The following PCM1 variants were observed in gnomAD, a reference collection of about 807,000 sequenced individuals.
PCM1 encodes pericentriolar material 1 protein.
In PCM1, 157 loss-of-function variants were observed where a neutral mutation model predicts 241.9. That is an observed-to-expected ratio of 0.65 (90% CI 0.57 to 0.74). PCM1 has a LOEUF of 0.74. Among genes scored for constraint, PCM1 ranks in the 30% least tolerant of loss-of-function variants. PCM1 has a pLI of 0.00. For missense variants in PCM1, 3,478 were observed against 2,360.1 expected (o/e 1.47, Z -9.81); for synonymous variants, 1,085 against 784.9 (o/e 1.38, Z -6.39).
chr8:17,999,412 G>A (rs1358132164), intron 29 of PCM1, among the ~76,000 whole-genome samples: 1 of 152,190 alleles, frequency 6.6e-6, no homozygotes, highest in African/African-American at 2.4e-5. Flanking sequence ...TCCCTTTAAG[G>A]CAGTGGGTTT....
intron 6 of PCM1, among the ~76,000 whole-genome samples, chr8:17,946,049 C>T (rs1200631122): frequency 6.6e-6 from 1 of 152,070 alleles, no homozygotes; most frequent in Non-Finnish European, 1.5e-5. Context: ...TATATTGTTT[C>T]CAGGTTGTAT....
chr8:17,930,097 CTTCCTT>C (rs1360443678), intron 2 of PCM1, among the ~76,000 whole-genome samples: 1 of 140,266 alleles, frequency 7.1e-6, no homozygotes, highest in Non-Finnish European at 1.5e-5. Context: ...TATTGGAATA[CTTCCTT>C]TTTTTTTTTT....
chr8:18,025,402 A>C lies in PCM1; in HGVS notation c.5883A>C (p.Glu1961Asp). The C allele has an allele frequency of 6.2e-7, 1 of 1,605,254 alleles. No homozygotes were observed. The highest frequency in any genetic ancestry group is 8.5e-7 in the Non-Finnish European group (1 of 1,174,438). Residue 1961 changes from glutamate to aspartate, a missense_variant, in exon 37 of 39, where the codon GAA becomes GAC. Physicochemically the swap from Glu to Asp is conservative, Grantham distance 45. Coordinates refer to ENST00000325083, the MANE Select transcript of PCM1 (RefSeq NM_006197.4). Reference sequence around the variant, plus strand: ...ATATAAGTCAAAAGTCTGATGAAGAAGATTTTGTAAAAGTTGAAGATTTAC... The same window carrying C: ...ATATAAGTCAAAAGTCTGATGAAGACGATTTTGTAAAAGTTGAAGATTTAC... ...SGNISQKSDE[E>D]DFVKVEDLPL...
chr8:17,987,009 T>C (rs1234626222), intron 26 of PCM1, among the ~76,000 whole-genome samples: 2 of 151,834 alleles, frequency 1.3e-5, no homozygotes, highest in African/African-American at 2.4e-5. Flanking sequence ...GAATTTTTGC[T>C]CTTTAACTTC....
chr8:17,959,867 A>G, intron 13 of PCM1, 147 bp from the exon 14 acceptor site: 1 of 609,456 alleles, frequency 1.6e-6, no homozygotes, highest in Admixed American at 3.7e-5. Context: ...TATATATTGA[A>G]CACGTGTACA....
intron 22 of PCM1, among the ~76,000 whole-genome samples, chr8:17,970,426 C>T (rs955969830): frequency 2.4e-4 from 34 of 144,338 alleles, no homozygotes; most frequent in Admixed American, 2.2e-3. Context: ...GAGTCATTAA[C>T]TGGGATTTTT....
At position 17,938,826 on chromosome 8, in the gene PCM1, T is replaced by C. The variant is rs768168015; in HGVS notation, c.429T>C (p.Phe143=). ...QLSENRKPFN[F]LPMQINTNKS... is the part of the protein sequence containing the mutation. ...GTGAAAACCGAAAGCCCTTCAACTT[T>C]TTGCCTATGCAGATTAATACTAACA... The change falls in exon 5 of 39, where the codon TTT becomes TTC. Residue 143 remains phenylalanine (F), a synonymous_variant. Transcript: ENST00000325083. 7 of 1,613,624 alleles carry C rather than the reference T, an allele frequency of 4.3e-6. No individual in the cohort carries two copies. The highest frequency in any genetic ancestry group is 1.1e-5 in the South Asian group (1 of 91,082).
Position 17,972,384 on chromosome 8 carries a change from G to A in PCM1, c.3640G>A (p.Glu1214Lys), listed in dbSNP as rs1393869112. ...AAGCAGTAGGACACCATGGTTATATGAACAAGAAGGTGAAGTAGAGAAACC... is the reference window on the plus strand; with the variant it reads ...AAGCAGTAGGACACCATGGTTATATAAACAAGAAGGTGAAGTAGAGAAACC... ...VESSRTPWLY[E>K]QEGEVEKPFI... is the part of the protein sequence containing the mutation. Residue 1214 changes from glutamate (E) to lysine (K), a missense_variant, in exon 23 of 39, where the codon GAA (glutamate) becomes AAA (lysine). Coordinates refer to ENST00000325083, the MANE Select transcript of PCM1 (RefSeq NM_006197.4). 1 of 1,595,908 alleles carries A rather than the reference G, an allele frequency of 6.3e-7. No individual in the cohort carries two copies. The highest frequency in any genetic ancestry group is 2.2e-5 in the East Asian group (1 of 44,624).
chr8:17,924,960 A>G (rs750812539), intron 2 of PCM1, 180 bp downstream of exon 2: 26 of 152,194 alleles, frequency 1.7e-4, no homozygotes, highest in Non-Finnish European at 2.9e-4. Context: ...GCCTGCCGGT[A>G]TATCTTTGTT....
Position 17,957,678 on chromosome 8 carries a change from A to G in PCM1, c.1943A>G (p.Glu648Gly), listed in dbSNP as rs771433788. The part of the protein sequence containing the change: ...LSSHRSSLVD[E>G]HPEDAEFEQK... ...AGTCACAGGAGCAGTCTGGTTGATGAGCATCCAGAAGATGCTGAATTTGAA... is the reference window on the plus strand; with the variant it reads ...AGTCACAGGAGCAGTCTGGTTGATGGGCATCCAGAAGATGCTGAATTTGAA... The change falls in exon 13 of 39, where the codon GAG (glutamate) becomes GGG (glycine). Residue 648 changes from glutamate (E) to glycine (G), a missense_variant. Coordinates refer to ENST00000325083, the MANE Select transcript of PCM1 (RefSeq NM_006197.4). 3.7e-6 allele frequency: 6 copies of G among 1,610,480 alleles called. No homozygotes were observed. The South Asian group carries it at 6.6e-5, about 18-fold the overall frequency.
At position 17,991,815 on chromosome 8, in the gene PCM1, A is replaced by G. The variant is rs2084743355; in HGVS notation, c.4690+115A>G. 3 of 689,870 alleles carry G rather than the reference A, an allele frequency of 4.3e-6. No homozygotes were observed. The South Asian group carries it at 6.3e-5, about 15-fold the overall frequency. The allele number at this position is 689,870 out of a possible 1,614,324, so 42.7% of individuals were successfully genotyped here. ...GGTGCACCCATCGCCTGAGCAGTATACACTGTACCCAGTGTGTATTGTTTG... is the reference window on the plus strand; with the variant it reads ...GGTGCACCCATCGCCTGAGCAGTATGCACTGTACCCAGTGTGTATTGTTTG... On this transcript the variant is annotated intron_variant, in intron 28 of 38. Coordinates refer to ENST00000325083, the MANE Select transcript of PCM1 (RefSeq NM_006197.4).
At chr8:17,964,503 A>G in intron 17 of PCM1, 65 bp from the exon 18 acceptor site, 1 of 1,188,580 alleles carries the variant, frequency 8.4e-7, no homozygotes, top group South Asian at 1.5e-5. Flanking sequence ...TCTGGCACAT[A>G]GTAGGTGGCA....
rs1025907395 is a variant in PCM1, at chr8:18,028,053, A to G, written c.*391A>G. On this transcript the variant is annotated 3_prime_UTR_variant, in exon 39 of 39. Transcript: ENST00000325083. ...ACTTTAGGCTGCTCAGAGAAGAGCA[A>G]TGGTTAAGAGTTAGTTAGAGAAATA... The G allele has an allele frequency of 2.3e-5, 5 of 221,562 alleles. No individual in the cohort carries two copies. Among genetic ancestry groups the G allele is most frequent in the Admixed American group, 1.1e-4 (2 of 17,418 alleles). 13.7% of individuals were successfully genotyped at this position (221,562 alleles called of 1,614,324 possible). A position where few individuals can be genotyped will look rare whatever the true frequency, so the allele number is the denominator to read the frequency against.
At chr8:17,967,392 T>G (rs2075292158) in intron 21 of PCM1, among the ~76,000 whole-genome samples, 1 of 151,624 alleles carries the variant, frequency 6.6e-6, no homozygotes, top group Admixed American at 6.6e-5. Flanking sequence ...CACGGCAGCC[T>G]CCACCTCCCA....
Position 17,963,240 on chromosome 8 carries a change from G to C in PCM1, c.2603G>C (p.Arg868Thr), listed in dbSNP as rs1466435659. 3 of 1,613,462 alleles carry C rather than the reference G, an allele frequency of 1.9e-6. No homozygotes were observed. In the African/African-American group the frequency reaches 4.0e-5, roughly 22 times the overall value. Residue 868 changes from arginine (R) to threonine (T), a missense_variant, in exon 17 of 39, where the codon AGA becomes ACA. By Grantham distance (71) the Arg-to-Thr change is moderately conservative. Coordinates refer to ENST00000325083, the MANE Select transcript of PCM1 (RefSeq NM_006197.4). ...ETASPVAVSL[R>T]SDGSENLCTP... ...GCATCTCCAGTGGCTGTGTCATTGA[G>C]AAGTGATGGATCTGAGAACCTATGT...
At chr8:18,005,214 T>G (rs897041800) in intron 29 of PCM1, among the ~76,000 whole-genome samples, 1 of 152,122 alleles carries the variant, frequency 6.6e-6, no homozygotes, top group Middle Eastern at 3.2e-3. Context: ...GCCACTGTAT[T>G]TTGTGATAAA....
Position 18,006,244 on chromosome 8 carries a change from C to T in PCM1, c.4828-19C>T, listed in dbSNP as rs764240433. ...ACAATAGGTAAGTTTATATTCTAAC[C>T]AACTAGGATTTTTCTCAGGAGCACA... On this transcript the variant is annotated intron_variant, in intron 29 of 38. Transcript: ENST00000325083. 2.5e-6 allele frequency: 4 copies of T among 1,572,036 alleles called. No homozygotes were observed. In the East Asian group the frequency reaches 6.8e-5, roughly 27 times the overall value.
In PCM1 at chr8:17,960,127, T is replaced by C. The variant is rs1487120787; in HGVS notation, c.2154T>C (p.Asn718=). The C allele has an allele frequency of 1.6e-5, 26 of 1,593,950 alleles. No individual in the cohort carries two copies. Among genetic ancestry groups the C allele is most frequent in the Non-Finnish European group, 2.2e-5 (26 of 1,168,918 alleles). The part of the protein sequence containing the change: ...QNSNNTRGNA[N]KTQKDTGVNE... ...CAAATAACACTAGAGGAAATGCCAA[T>C]AAAACACAGAAAGATACTGGAGTAA... is the stretch of plus-strand genomic sequence containing the variant. Residue 718 remains asparagine (N), a synonymous_variant, in exon 14 of 39, where the codon AAT becomes AAC. Coordinates refer to ENST00000325083, the MANE Select transcript of PCM1 (RefSeq NM_006197.4).
rs1309355463 is a variant in PCM1 at position 17,955,519 on chromosome 8, T to C, written c.1338T>C (p.Ala446=). ...VDQRSTSAPS[A]SVGLAPVVNG... ...AGAGAAGTACTTCAGCTCCCTCTGC[T>C]TCTGTAGGCTTGGCACCGGTTGTCA... The change falls in exon 10 of 39, where the codon GCT becomes GCC. Residue 446 remains alanine (A), a synonymous_variant. Coordinates refer to ENST00000325083, the MANE Select transcript of PCM1 (RefSeq NM_006197.4). 6.2e-7 allele frequency: 1 copy of C among 1,613,702 alleles called. No individual in the cohort carries two copies. Among genetic ancestry groups the C allele is most frequent in the Non-Finnish European group, 8.5e-7 (1 of 1,179,784 alleles).
Sources: allele counts gnomAD v4.1 joint callset (sites outside exome capture counted in the v4.1 genomes callset), GRCh38; gene constraint gnomAD v4.1.1; transcripts MANE v1.5; gene names NCBI Gene and HGNC (gene_info 2026-07-23, HGNC 2026-07-21).